RORA: variants seen among roughly 807,000 people sequenced by gnomAD.
The protein encoded by RORA is nuclear receptor ROR-alpha.
In RORA, 7 loss-of-function variants were observed where a neutral mutation model predicts 69.5. That is an observed-to-expected ratio of 0.10 (90% CI 0.06 to 0.19). The LOEUF (loss-of-function observed/expected upper bound fraction) is 0.19. Ranked by LOEUF, RORA falls within the 10% of genes least tolerant of loss-of-function variation. RORA has a pLI of 1.00. For synonymous variants in RORA, 261 were observed against 240.8 expected, an observed-to-expected ratio of 1.08 and a Z score of -0.78; for missense variants, 457 against 663.0, an observed-to-expected ratio of 0.69 and a Z score of 3.41.
At chr15:61,202,171 C>A (rs1020456260) in intron 1 of RORA, among the ~76,000 whole-genome samples, 3 of 152,034 alleles carry the variant, frequency 2.0e-5, no homozygotes, top group African/African-American at 4.8e-5. Flanking sequence ...CCATGCCCAG[C>A]TAATTTTTTT....
intron 2 of RORA, among the ~76,000 whole-genome samples, chr15:60,541,501 T>C (rs1026220465): frequency 7.2e-5 from 11 of 152,218 alleles, no homozygotes; most frequent in African/African-American, 2.7e-4. Flanking sequence ...TGAGAATGGA[T>C]AGCAATATTT....
chr15:60,590,506 C>A (rs1222237511), intron 2 of RORA, among the ~76,000 whole-genome samples: 1 of 152,132 alleles, frequency 6.6e-6, no homozygotes, highest in Non-Finnish European at 1.5e-5. Context: ...TAAAATGTCT[C>A]AGCCTCTCGC....
At chr15:60,752,393 T>G (rs1007167221) in intron 1 of RORA, among the ~76,000 whole-genome samples, 2 of 152,142 alleles carry the variant, frequency 1.3e-5, no homozygotes, top group African/African-American at 4.8e-5. Context: ...TGGCGACGGT[T>G]GTTTTCCATC....
intron 1 of RORA, among the ~76,000 whole-genome samples, chr15:61,054,221 AGTTTTT>A (rs2078057794): frequency 2.0e-5 from 3 of 152,058 alleles, no homozygotes; most frequent in African/African-American, 7.2e-5. Flanking sequence ...ACATGTATGT[AGTTTTT>A]CCTGAACACA....
intron 1 of RORA, among the ~76,000 whole-genome samples, chr15:61,051,311 C>A (rs1038528256): frequency 5.3e-5 from 8 of 152,156 alleles, no homozygotes; most frequent in African/African-American, 1.9e-4. Flanking sequence ...TGGCTACCTA[C>A]TTTCCACTAC....
At chr15:61,059,050 G>A (rs7173460) in intron 1 of RORA, among the ~76,000 whole-genome samples, 30,580 of 152,142 alleles carry the variant, frequency 0.2, 3,306 homozygotes, top group South Asian at 0.25. Context: ...TACCTCTGCC[G>A]TTCCTCTAAT....
chr15:60,757,031 T>C (rs971101321), intron 1 of RORA, among the ~76,000 whole-genome samples: 2 of 152,208 alleles, frequency 1.3e-5, no homozygotes, highest in African/African-American at 4.8e-5. Flanking sequence ...AAATGACGCA[T>C]ACATTTTAAA....
At chr15:60,861,002 A>G (rs929095670) in intron 1 of RORA, among the ~76,000 whole-genome samples, 2 of 152,204 alleles carry the variant, frequency 1.3e-5, no homozygotes, top group African/African-American at 4.8e-5. Flanking sequence ...TGGTGGGAAA[A>G]GTCCATTAAT....
intron 1 of RORA, among the ~76,000 whole-genome samples, chr15:60,979,722 G>C (rs1182732985): frequency 1.4e-5 from 1 of 72,702 alleles, no homozygotes; most frequent in Non-Finnish European, 3.4e-5. Flanking sequence ...AATAATGTGT[G>C]TGTATGTATG....
chr15:61,107,911 A>G (rs1186125808), intron 1 of RORA, among the ~76,000 whole-genome samples: 1 of 152,138 alleles, frequency 6.6e-6, no homozygotes. Flanking sequence ...GCCATATTGG[A>G]CAAGATACAG....
intron 3 of RORA, among the ~76,000 whole-genome samples, chr15:60,521,852 AG>A (rs2066177590): frequency 6.6e-6 from 1 of 152,174 alleles, no homozygotes; most frequent in African/African-American, 2.4e-5. Flanking sequence ...ACTGTCTCAA[AG>A]ACATCTCTCC....
intron 1 of RORA, among the ~76,000 whole-genome samples, chr15:60,726,362 T>C (rs2071357047): frequency 6.6e-6 from 1 of 152,132 alleles, no homozygotes; most frequent in Non-Finnish European, 1.5e-5. Context: ...TTCTTTGTTG[T>C]CTCGGGATTG....
rs111992901 is a variant in RORA, at chr15:60,645,104, A to G, written c.196+33553T>C. The stretch of plus-strand genomic sequence containing the variant: ...TAGAAATTAAAAACACTGTAATTCC[A>G]AAATCTCTCTTAGGGAAGGAACTGT... On this transcript the variant is annotated intron_variant, in intron 2 of 10. Coordinates refer to ENST00000335670, the MANE Select transcript of RORA (RefSeq NM_134261.3). Among the ~76,000 whole-genome samples, 386 of 152,314 alleles carry G rather than the reference A, an allele frequency of 2.5e-3. 2 individuals are homozygous for G. Among genetic ancestry groups the G allele is most frequent in the African/African-American group, 8.9e-3 (368 of 41,570 alleles).
Position 61,088,485 on chromosome 15 carries a change from C to G in RORA, c.166+140568G>C, listed in dbSNP as rs73428899. ...CAAAAAGCGGTGGGGGATGGGGCGA[C>G]AGGAGACATACAGCTGTAGAGACTG... On this transcript the variant is annotated intron_variant, in intron 1 of 10. Coordinates refer to ENST00000335670, the MANE Select transcript of RORA (RefSeq NM_134261.3). Among the ~76,000 whole-genome samples, 367 of 152,222 alleles carry G rather than the reference C, an allele frequency of 2.4e-3. 1 individual carries two copies. Among genetic ancestry groups the G allele is most frequent in the African/African-American group, 8.3e-3 (343 of 41,544 alleles).
chr15:60,704,439 C>T (rs1188572876), intron 1 of RORA, among the ~76,000 whole-genome samples: 1 of 151,012 alleles, frequency 6.6e-6, no homozygotes, highest in Non-Finnish European at 1.5e-5. Context: ...AGGGTGGGGC[C>T]GAGGAAGCTG....
At chr15:60,877,374 A>G (rs559237280) in intron 1 of RORA, among the ~76,000 whole-genome samples, 1 of 152,174 alleles carries the variant, frequency 6.6e-6, no homozygotes, top group East Asian at 1.9e-4. Flanking sequence ...AGTGCCCGCT[A>G]TTTTATAAGA....
intron 2 of RORA, among the ~76,000 whole-genome samples, chr15:60,589,442 A>G (rs2068434363): frequency 6.6e-6 from 1 of 152,204 alleles, no homozygotes; most frequent in Non-Finnish European, 1.5e-5. Context: ...TATATCATCT[A>G]CTGAAACTGA....
intron 2 of RORA, among the ~76,000 whole-genome samples, chr15:60,672,787 G>A (rs112927267): frequency 1.3e-5 from 2 of 152,322 alleles, no homozygotes; most frequent in African/African-American, 2.4e-5. Flanking sequence ...ACAATGCTTC[G>A]AATATTCAGA....
intron 1 of RORA, among the ~76,000 whole-genome samples, chr15:61,164,077 A>G (rs2079520115): frequency 6.6e-6 from 1 of 151,828 alleles, no homozygotes; most frequent in Admixed American, 6.6e-5. Context: ...CTCTCAAGAG[A>G]GTGTAGGTGT....
Sources: gnomAD v4.1 joint callset for allele counts (sites outside exome capture counted in the v4.1 genomes callset) on GRCh38, gnomAD v4.1.1 for gene constraint, MANE v1.5 for transcripts, NCBI Gene and HGNC (gene_info 2026-07-23, HGNC 2026-07-21) for gene names.